Variants in DGCR8 observed in about 807,000 individuals in gnomAD.
DGCR8 encodes the protein DGCR8 microprocessor complex subunit, also known as microprocessor complex subunit DGCR8.
Under a neutral mutation model 78.5 loss-of-function variants are expected in DGCR8, and 14 were observed. The ratio of observed to expected loss-of-function variants is 0.18; its 90% CI spans 0.12 to 0.28. The LOEUF (loss-of-function observed/expected upper bound fraction) is 0.28, where lower values mean the gene tolerates loss of function less well. DGCR8 is among the 10% of genes least tolerant of loss of function. The probability of loss-of-function intolerance (pLI) is 1.00; values close to 1 mark genes in which losing one functional copy is unlikely to be tolerated. For missense variants in DGCR8, 702 were observed against 1,022.5 expected (o/e 0.69, Z 4.28); for synonymous variants, 399 against 402.4 (o/e 0.99, Z 0.10).
chr22:20,084,881 C>G (rs762228531), intron 1 of DGCR8: 1 of 684,528 alleles, frequency 1.5e-6, no homozygotes, highest in African/African-American at 1.9e-5. Flanking sequence ...GTGGGTCTCC[C>G]CTCTCAAGTA....
intron 10 of DGCR8, 145 bp from the exon 11 acceptor site, chr22:20,106,447 C>G: frequency 2.5e-6 from 2 of 805,760 alleles, no homozygotes; most frequent in South Asian, 1.6e-5. Context: ...CTGAATCGGG[C>G]GTGTGGAGAA....
In DGCR8 at chr22:20,111,612, A is replaced by G. The variant is rs756282143; in HGVS notation, c.*1504A>G. 5.4e-5 allele frequency: 20 copies of G among 370,952 alleles called. No homozygotes were observed. The highest frequency in any genetic ancestry group is 7.5e-5 in the East Asian group (2 of 26,578). The allele number at this position is 370,952 out of a possible 1,614,324, so 23.0% of individuals were successfully genotyped here. On this transcript the variant is annotated 3_prime_UTR_variant, in exon 14 of 14. Coordinates refer to ENST00000351989, the MANE Select transcript of DGCR8 (RefSeq NM_022720.7). Reference sequence around the variant, plus strand: ...GCCTGTGAACCAAAGCTTCGTGCACATGTGTTCCCCTAAAGGTTGGGGAGC... The same window carrying G: ...GCCTGTGAACCAAAGCTTCGTGCACGTGTGTTCCCCTAAAGGTTGGGGAGC...
At position 20,085,086 on chromosome 22, in the gene DGCR8, A is replaced by G. The variant is rs1410608894; in HGVS notation, c.-277-601A>G. 6 of 963,348 alleles carry G rather than the reference A, an allele frequency of 6.2e-6. No homozygotes were observed. Among genetic ancestry groups the G allele is most frequent in the African/African-American group, 1.8e-5 (1 of 56,778 alleles). The allele number at this position is 963,348 out of a possible 1,614,324, so 59.7% of individuals were successfully genotyped here. On this transcript the variant is annotated intron_variant, in intron 1 of 13. Coordinates refer to ENST00000351989, the MANE Select transcript of DGCR8 (RefSeq NM_022720.7). This position sits in a 1 kb window ranked among gnomAD's most constrained non-coding sequence, Gnocchi z 6.2. ...CCTCTCCTCCATCGGGAACAGAACT[A>G]TGCTGCCACCTCTGGTGACCTCAGC...
At chr22:20,091,712 G>T in intron 6 of DGCR8, 80 bp downstream of exon 6, 1 of 1,564,024 alleles carries the variant, frequency 6.4e-7, no homozygotes. Flanking sequence ...CATGTTTTAT[G>T]AGTTGCATTT....
rs71717697 is a variant in DGCR8 at position 20,111,706 on chromosome 22, GCCCCCCCCCCC to G, written c.*1604_*1614del. Reference sequence around the variant, plus strand: ...TGCCATACTCTTGTGGTCTCTGTGCGCCCCCCCCCCCCCCCCACCCGTCTGCCAAGCATGGG... The same window carrying G: ...TGCCATACTCTTGTGGTCTCTGTGCGCCCCCACCCGTCTGCCAAGCATGGG... On this transcript the variant is annotated 3_prime_UTR_variant, in exon 14 of 14. Transcript: ENST00000351989. The G allele has an allele frequency of 7.8e-5, 5 of 64,094 alleles. No individual in the cohort carries two copies. Among genetic ancestry groups the G allele is most frequent in the Non-Finnish European group, 1.2e-4 (4 of 34,184 alleles). 4.0% of individuals were successfully genotyped at this position (64,094 alleles called of 1,614,324 possible). A position where few individuals can be genotyped will look rare whatever the true frequency, so the allele number is the denominator to read the frequency against.
intron 9 of DGCR8, chr22:20,101,237 G>T (rs1006592401): frequency 1.0e-6 from 1 of 985,284 alleles, no homozygotes; most frequent in African/African-American, 1.7e-5. Context: ...GGTGCCTTTT[G>T]TATGTGCCCC....
intron 11 of DGCR8, chr22:20,106,908 CT>C: frequency 3.4e-6 from 2 of 591,020 alleles, no homozygotes; most frequent in Non-Finnish European, 6.0e-6. Flanking sequence ...GCTGTCACCC[CT>C]GTCTCCGTCC....
chr22:20,083,934 G>C lies in DGCR8; in HGVS notation c.-277-1753G>C, dbSNP rs368605116. Among the ~76,000 whole-genome samples the C allele has an allele frequency of 1.4e-4, 22 of 152,248 alleles. No individual in the cohort carries two copies. The East Asian group carries it at 2.7e-3, about 19-fold the overall frequency. On this transcript the variant is annotated intron_variant, in intron 1 of 13. Coordinates refer to ENST00000351989, the MANE Select transcript of DGCR8 (RefSeq NM_022720.7). ...TTGTTAGCTCTGTGCTGTGTTTCCT[G>C]GATCCTCAGCACCTTTGATGGACAC...
At position 20,089,941 on chromosome 22, in the gene DGCR8, C is replaced by A; in HGVS notation, c.1024-35C>A. The A allele has an allele frequency of 6.3e-7, 1 of 1,590,832 alleles. No individual in the cohort carries two copies. The highest frequency in any genetic ancestry group is 1.1e-5 in the South Asian group (1 of 87,582). On this transcript the variant is annotated intron_variant, in intron 4 of 13. Transcript: ENST00000351989. The surrounding 1 kb of genome is among the most constrained non-coding windows in gnomAD (Gnocchi z 4.9). ...TCAGAGTTTCAGACTCTCGGGTTGTCCTTGTAATCCATATTGCAATTTCAC... is the reference window on the plus strand; with the variant it reads ...TCAGAGTTTCAGACTCTCGGGTTGTACTTGTAATCCATATTGCAATTTCAC...
Position 20,087,129 on chromosome 22 carries a change from G to A in DGCR8, c.721-33G>A. 1.3e-6 allele frequency: 2 copies of A among 1,580,024 alleles called. No individual in the cohort carries two copies. The highest frequency in any genetic ancestry group is 1.1e-5 in the South Asian group (1 of 87,040). Reference sequence around the variant, plus strand: ...TCCTGTTGCAGGAGCATGAGCGCCAGGGGCTCTGGTGTCTGAACAGCGTGT... The same window carrying A: ...TCCTGTTGCAGGAGCATGAGCGCCAAGGGCTCTGGTGTCTGAACAGCGTGT... On this transcript the variant is annotated intron_variant, in intron 2 of 13. Transcript: ENST00000351989. This position sits in a 1 kb window ranked among gnomAD's most constrained non-coding sequence, Gnocchi z 4.1.
intron 13 of DGCR8, 36 bp downstream of exon 13, chr22:20,109,039 C>G (rs757213565): frequency 8.8e-7 from 1 of 1,140,230 alleles, no homozygotes; most frequent in Non-Finnish European, 1.3e-6. Flanking sequence ...TGCCGGGCCA[C>G]GGCCATTCCT....
chr22:20,081,957 G>C (rs1164603171), intron 1 of DGCR8, among the ~76,000 whole-genome samples: 1 of 151,906 alleles, frequency 6.6e-6, no homozygotes, highest in Non-Finnish European at 1.5e-5. Context: ...AGCCTACCTG[G>C]TGAGCCTCTA....
At chr22:20,101,706 C>T in intron 9 of DGCR8, 1 of 985,364 alleles carries the variant, frequency 1.0e-6, no homozygotes, top group Non-Finnish European at 1.2e-6. Context: ...TCTCCTGTTC[C>T]TGGGAAGTTT....
chr22:20,090,246 G>A lies in DGCR8; in HGVS notation c.1294G>A (p.Asp432Asn). ...QVKAKVEVCK[D>N]ESVDLEEFRS... is the part of the protein sequence containing the mutation. ...GAAGGCCAAAGTCGAGGTGTGCAAA[G>A]ATGAATCCGTTGGTGAGTTTTTGAA... Residue 432 changes from aspartate to asparagine, a missense_variant, in exon 5 of 14, where the codon GAT becomes AAT. Around this residue, in one of 4 missense-constraint regions of DGCR8, gnomAD observed 119 missense variants for 126.1 expected, o/e 0.94. Coordinates refer to ENST00000351989, the MANE Select transcript of DGCR8 (RefSeq NM_022720.7). The A allele has an allele frequency of 3.8e-6, 6 of 1,598,636 alleles. No homozygotes were observed. Among genetic ancestry groups the A allele is most frequent in the Non-Finnish European group, 5.1e-6 (6 of 1,175,264 alleles).
At chr22:20,095,824 C>A (rs928405789) in intron 9 of DGCR8, among the ~76,000 whole-genome samples, 1 of 152,110 alleles carries the variant, frequency 6.6e-6, no homozygotes, top group Non-Finnish European at 1.5e-5. Flanking sequence ...TGTTTTCTTG[C>A]AACTAGATGG....
chr22:20,095,344 G>A (rs1450711400), intron 9 of DGCR8, among the ~76,000 whole-genome samples: 1 of 152,166 alleles, frequency 6.6e-6, no homozygotes, highest in African/African-American at 2.4e-5. Context: ...GACCTCGGGT[G>A]ATCCACTCGC....
At chr22:20,103,610 C>CCTG (rs2049731884) in intron 9 of DGCR8, among the ~76,000 whole-genome samples, 1 of 151,928 alleles carries the variant, frequency 6.6e-6, no homozygotes, top group Admixed American at 6.6e-5. Flanking sequence ...TTGCTAGTTC[C>CCTG]CTGCTGCATC....
chr22:20,094,995 T>G (rs981661566), intron 9 of DGCR8, among the ~76,000 whole-genome samples, 200 bp downstream of exon 9: 1 of 152,110 alleles, frequency 6.6e-6, no homozygotes, highest in African/African-American at 2.4e-5. Context: ...AGGGAAAAAA[T>G]GTCCTTTTTG....
chr22:20,080,493 G>T (rs978598610), intron 1 of DGCR8, 110 bp downstream of exon 1: 2 of 984,116 alleles, frequency 2.0e-6, no homozygotes, highest in Non-Finnish European at 1.2e-6. Flanking sequence ...CCGCGGGCGG[G>T]GCGGGGGCGC....
Sources: allele counts gnomAD v4.1 joint callset (sites outside exome capture counted in the v4.1 genomes callset), GRCh38; gene constraint gnomAD v4.1.1; regional missense constraint gnomAD v4.1.1; non-coding constraint Gnocchi (gnomAD v3.1); transcripts MANE v1.5; gene names NCBI Gene and HGNC (gene_info 2026-07-23, HGNC 2026-07-21).